The following MEI4 variants were observed in gnomAD, a reference collection of about 807,000 sequenced individuals.
MEI4 encodes meiosis-specific protein MEI4.
Under a neutral mutation model 31.4 loss-of-function variants are expected in MEI4, and 27 were observed. That is an observed-to-expected ratio of 0.86 (90% CI 0.63 to 1.19). The LOEUF is 1.19. Ranked by LOEUF, MEI4 falls within the 50% of genes most tolerant of loss-of-function variation. The probability of loss-of-function intolerance (pLI) is 0.00; values close to 1 mark genes in which losing one functional copy is unlikely to be tolerated. For synonymous variants in MEI4, 122 were observed against 145.4 expected, an observed-to-expected ratio of 0.84 and a Z score of 1.16; for missense variants, 329 against 398.9, an observed-to-expected ratio of 0.82 and a Z score of 1.49.
chr6:77,847,112 T>G lies in MEI4; in HGVS notation c.900+18050T>G, dbSNP rs181954587. Among the ~76,000 whole-genome samples the G allele has an allele frequency of 2.4e-4, 37 of 151,468 alleles. No individual in the cohort carries two copies. The East Asian group carries it at 7.0e-3, about 29-fold the overall frequency. Reference sequence around the variant, plus strand: ...GGAGTGAGGGAATATTGTTTTTTTTTGGTGAGTTAATGAAAAATTGAAAAT... The same window carrying G: ...GGAGTGAGGGAATATTGTTTTTTTTGGGTGAGTTAATGAAAAATTGAAAAT... On this transcript the variant is annotated intron_variant, in intron 4 of 4. Coordinates refer to ENST00000684080, the MANE Select transcript of MEI4 (RefSeq NM_001322247.2). The surrounding 1 kb of genome is among the most constrained non-coding windows in gnomAD (Gnocchi z 4.6).
intron 2 of MEI4, among the ~76,000 whole-genome samples, chr6:77,693,599 A>G: frequency 6.6e-6 from 1 of 151,934 alleles, no homozygotes; most frequent in Middle Eastern, 3.4e-3. Flanking sequence ...GCACAGATGT[A>G]TGGAAGTAAT....
intron 2 of MEI4, among the ~76,000 whole-genome samples, chr6:77,753,939 A>T (rs1165305976): frequency 3.3e-5 from 5 of 152,200 alleles, no homozygotes; most frequent in African/African-American, 1.2e-4. Flanking sequence ...GGATGAGTTC[A>T]TGTCCTTTGC....
chr6:77,671,353 C>T (rs768223494), intron 1 of MEI4, among the ~76,000 whole-genome samples: 100 of 152,214 alleles, frequency 6.6e-4, no homozygotes, highest in Non-Finnish European at 1.4e-3. Context: ...AGCCACGGCA[C>T]CCAGCCTGTT....
intron 2 of MEI4, chr6:77,716,853 G>C: frequency 4.1e-6 from 4 of 982,852 alleles, no homozygotes; most frequent in Non-Finnish European, 4.8e-6. Flanking sequence ...AAACAGATGA[G>C]ATGTCAAGCA....
At chr6:77,914,535 T>C (rs1766499865) in intron 4 of MEI4, among the ~76,000 whole-genome samples, 1 of 152,118 alleles carries the variant, frequency 6.6e-6, no homozygotes, top group Non-Finnish European at 1.5e-5. Flanking sequence ...TTTCATGTGC[T>C]GATAAGAATA....
chr6:77,739,903 T>C (rs1486753632), intron 2 of MEI4, among the ~76,000 whole-genome samples: 1 of 152,202 alleles, frequency 6.6e-6, no homozygotes, highest in Non-Finnish European at 1.5e-5. Context: ...GGTTATTAAA[T>C]TGAGATCTTT....
At chr6:77,802,416 CTT>C (rs1207769515) in intron 3 of MEI4, among the ~76,000 whole-genome samples, 2 of 152,140 alleles carry the variant, frequency 1.3e-5, no homozygotes, top group African/African-American at 4.8e-5. Flanking sequence ...GGTCTTGACT[CTT>C]TATCCAATTT....
intron 4 of MEI4, among the ~76,000 whole-genome samples, chr6:77,846,978 G>A (rs1013672565): frequency 1.1e-4 from 16 of 152,128 alleles, no homozygotes; most frequent in African/African-American, 1.4e-4. Flanking sequence ...TCATTTTTCC[G>A]TCATAGATTC....
At chr6:77,750,978 C>T (rs1162642093) in intron 2 of MEI4, among the ~76,000 whole-genome samples, 5 of 152,162 alleles carry the variant, frequency 3.3e-5, no homozygotes, top group Admixed American at 2.6e-4. Flanking sequence ...CAAAACTGCA[C>T]GACTGCATGG....
intron 4 of MEI4, among the ~76,000 whole-genome samples, chr6:77,839,610 A>T (rs777788929): frequency 2.6e-5 from 4 of 152,134 alleles, no homozygotes; most frequent in Non-Finnish European, 5.9e-5. Flanking sequence ...AATGGAATAA[A>T]CCCAAACTTC....
At chr6:77,734,750 C>T (rs1767130866) in intron 2 of MEI4, among the ~76,000 whole-genome samples, 2 of 151,976 alleles carry the variant, frequency 1.3e-5, no homozygotes, top group Non-Finnish European at 2.9e-5. Context: ...TACCTTTTGG[C>T]ATGATTTTGC....
At position 77,746,417 on chromosome 6, in the gene MEI4, G is replaced by T. The variant is rs865980118; in HGVS notation, c.233-14713G>T. 1.3e-4 allele frequency among the ~76,000 whole-genome samples: 19 copies of T among 151,834 alleles called. No homozygotes were observed. The Middle Eastern group carries it at 0.01, about 82-fold the overall frequency. On this transcript the variant is annotated intron_variant, in intron 2 of 4. Coordinates refer to ENST00000684080, the MANE Select transcript of MEI4 (RefSeq NM_001322247.2). Reference sequence around the variant, plus strand: ...AAAAGTTAACCCTTCCTTAAGTAAGGGGGGACTCCTCTTGCTCGAATGCCT... The same window carrying T: ...AAAAGTTAACCCTTCCTTAAGTAAGTGGGGACTCCTCTTGCTCGAATGCCT...
chr6:77,858,121 TCA>T (rs1306152483), intron 4 of MEI4, among the ~76,000 whole-genome samples: 13 of 152,348 alleles, frequency 8.5e-5, no homozygotes, highest in Admixed American at 5.2e-4. Flanking sequence ...CACAATAGTT[TCA>T]GTTATCTAAC....
At chr6:77,657,510 C>T (rs1028658768) in intron 1 of MEI4, among the ~76,000 whole-genome samples, 3 of 152,058 alleles carry the variant, frequency 2.0e-5, no homozygotes, top group African/African-American at 7.2e-5. Flanking sequence ...AGCATCCTGG[C>T]TTAGTTCTTC....
intron 3 of MEI4, among the ~76,000 whole-genome samples, chr6:77,788,218 ACT>A (rs1768803413): frequency 6.6e-6 from 1 of 152,150 alleles, no homozygotes; most frequent in Non-Finnish European, 1.5e-5. Context: ...CATGCTAAAA[ACT>A]CTCAATAAAT....
intron 4 of MEI4, among the ~76,000 whole-genome samples, chr6:77,877,241 ATG>A (rs56962264): frequency 2.7e-5 from 4 of 150,676 alleles, no homozygotes; most frequent in African/African-American, 9.7e-5. Flanking sequence ...TACCAACAGG[ATG>A]TGTGTGTGTG....
At chr6:77,759,068 GT>G (rs1269841623) in intron 2 of MEI4, among the ~76,000 whole-genome samples, 3 of 148,692 alleles carry the variant, frequency 2.0e-5, no homozygotes, top group Non-Finnish European at 4.4e-5. Flanking sequence ...GGTAACTGGT[GT>G]TTTGTTTGTT....
chr6:77,687,747 A>G (rs1298030748), intron 1 of MEI4, among the ~76,000 whole-genome samples: 1 of 152,104 alleles, frequency 6.6e-6, no homozygotes. Context: ...GGAGAGATGC[A>G]TAGGGCCATG....
rs114011527 is a variant in MEI4, at chr6:77,866,823, T to C, written c.900+37761T>C. Among the ~76,000 whole-genome samples, 928 of 152,308 alleles carry C rather than the reference T, an allele frequency of 6.1e-3. 7 individuals are homozygous for C. Among genetic ancestry groups the C allele is most frequent in the African/African-American group, 0.02 (842 of 41,556 alleles). On this transcript the variant is annotated intron_variant, in intron 4 of 4. Coordinates refer to ENST00000684080, the MANE Select transcript of MEI4 (RefSeq NM_001322247.2). ...ATCACGCTACCTGACTTCAAACTTA[T>C]ACTACAAGGTTACAGTAACCAAAAC... is the stretch of plus-strand genomic sequence containing the variant.
Sources: gnomAD v4.1 joint callset for allele counts (sites outside exome capture counted in the v4.1 genomes callset) on GRCh38, gnomAD v4.1.1 for gene constraint, Gnocchi (gnomAD v3.1) non-coding constraint, MANE v1.5 for transcripts, NCBI Gene and HGNC (gene_info 2026-07-23, HGNC 2026-07-21) for gene names.